The following ADAMTS9 variants were observed in gnomAD, a reference collection of about 807,000 sequenced individuals.
ADAMTS9 encodes the protein A disintegrin and metalloproteinase with thrombospondin motifs 9.
A neutral mutation model predicts 257.1 loss-of-function variants in ADAMTS9; 107 were observed. That is an observed-to-expected ratio of 0.42 (90% CI 0.36 to 0.49). ADAMTS9 has a LOEUF of 0.49. Ranked by LOEUF, ADAMTS9 falls within the 20% of genes least tolerant of loss-of-function variation. The pLI is 0.03. For missense variants in ADAMTS9, 2,353 were observed against 2,469.1 expected, an observed-to-expected ratio of 0.95 and a Z score of 1.00; for synonymous variants, 982 against 880.9, an observed-to-expected ratio of 1.11 and a Z score of -2.03.
chr3:64,571,237 C>T (rs1157816322), intron 28 of ADAMTS9, among the ~76,000 whole-genome samples: 1 of 152,194 alleles, frequency 6.6e-6, no homozygotes, highest in East Asian at 1.9e-4. Context: ...ACTTTATATG[C>T]ATCATCTAAT....
At chr3:64,565,628 T>C (rs1028425357) in intron 29 of ADAMTS9, 1 of 152,270 alleles carries the variant, frequency 6.6e-6, no homozygotes, top group Non-Finnish European at 1.5e-5. Context: ...TTAAAAACTC[T>C]ATAGCGATAG....
At chr3:64,584,724 T>C (rs892189349) in intron 28 of ADAMTS9, among the ~76,000 whole-genome samples, 11 of 152,084 alleles carry the variant, frequency 7.2e-5, no homozygotes, top group Non-Finnish European at 1.3e-4. Context: ...GAGTCCCCAA[T>C]TGCCAACATT....
chr3:64,590,688 A>C (rs2106780517), intron 28 of ADAMTS9, among the ~76,000 whole-genome samples: 1 of 152,298 alleles, frequency 6.6e-6, no homozygotes. Context: ...GGTAGACAAA[A>C]ATTCATAAGT....
intron 12 of ADAMTS9, among the ~76,000 whole-genome samples, chr3:64,635,357 G>A (rs968442712): frequency 2.6e-5 from 4 of 152,170 alleles, no homozygotes; most frequent in Non-Finnish European, 4.4e-5. Flanking sequence ...AAACAGAGAC[G>A]ATGCTGTGTA....
chr3:64,521,585 T>C (rs1303286841), intron 39 of ADAMTS9: 7 of 152,334 alleles, frequency 4.6e-5, no homozygotes, highest in Non-Finnish European at 8.8e-5. Flanking sequence ...GTGGTCTGTA[T>C]ACATGATGAA....
chr3:64,532,490 G>A lies in ADAMTS9; in HGVS notation c.5718+676C>T, dbSNP rs1038767651. On this transcript the variant is annotated intron_variant, in intron 38 of 39. Transcript: ENST00000498707. ...AGTTGAAAAATCAAGTGGAACCGTC[G>A]TAAGTCAGGGACCATCTGCACAGCA... Among the ~76,000 whole-genome samples, 6 of 152,104 alleles carry A rather than the reference G, an allele frequency of 3.9e-5. No homozygotes were observed. The South Asian group carries it at 6.2e-4, about 16-fold the overall frequency.
intron 3 of ADAMTS9, among the ~76,000 whole-genome samples, chr3:64,662,424 T>C (rs28807715): frequency 0.12 from 18,211 of 152,114 alleles, 1,415 homozygotes; most frequent in African/African-American, 0.22. Context: ...AGTTGGTTTA[T>C]AGTGTTGGGC....
chr3:64,549,703 T>C (rs998520305), intron 31 of ADAMTS9, among the ~76,000 whole-genome samples: 1 of 152,100 alleles, frequency 6.6e-6, no homozygotes, highest in Non-Finnish European at 1.5e-5. Context: ...CACTATAGGA[T>C]TCTTAGCCCC....
chr3:64,680,743 A>G (rs919735607), intron 3 of ADAMTS9, among the ~76,000 whole-genome samples: 3 of 152,144 alleles, frequency 2.0e-5, no homozygotes, highest in African/African-American at 7.2e-5. Context: ...AAACACATAT[A>G]TGTTTTCGTG....
At chr3:64,528,316 T>G (rs1042109305) in intron 38 of ADAMTS9, among the ~76,000 whole-genome samples, 1 of 152,168 alleles carries the variant, frequency 6.6e-6, no homozygotes, top group Admixed American at 6.5e-5. Context: ...TGAAGGGAAC[T>G]TTCACATTCC....
intron 3 of ADAMTS9, among the ~76,000 whole-genome samples, chr3:64,674,767 G>A (rs943889505): frequency 2.6e-5 from 4 of 152,326 alleles, no homozygotes; most frequent in Middle Eastern, 3.4e-3. Flanking sequence ...GGCTGCCCCA[G>A]AATGTTTTAC....
In ADAMTS9 at chr3:64,687,473, C is replaced by T; in HGVS notation, c.115+70G>A. 1.6e-6 allele frequency: 2 copies of T among 1,272,952 alleles called. No individual in the cohort carries two copies. The highest frequency in any genetic ancestry group is 1.1e-6 in the Non-Finnish European group (1 of 938,954). The allele number at this position is 1,272,952 out of a possible 1,614,324, so 78.9% of individuals were successfully genotyped here. On this transcript the variant is annotated intron_variant, in intron 1 of 39. Transcript: ENST00000498707. The surrounding 1 kb of genome is among the most constrained non-coding windows in gnomAD (Gnocchi z 4.4). ...AGAGAAGCCTCCGCTGCGGGGTGCC[C>T]CTGCCCAGGAGCGAGGACCGGGAGG...
intron 11 of ADAMTS9, among the ~76,000 whole-genome samples, chr3:64,643,115 A>G (rs1409392502): frequency 6.6e-6 from 1 of 152,198 alleles, no homozygotes; most frequent in African/African-American, 2.4e-5. Flanking sequence ...GATGTTCTGC[A>G]TCTGAACCCT....
In ADAMTS9 at chr3:64,634,762, C is replaced by T. The variant is rs141347310; in HGVS notation, c.1857-883G>A. On this transcript the variant is annotated intron_variant, in intron 12 of 39. Transcript: ENST00000498707. ...GTTTCACAACTGCCCTAGGACAACC[C>T]TGCAACTGAAAGGACATTTTTCACC... Among the ~76,000 whole-genome samples the T allele has an allele frequency of 2.9e-3, 445 of 152,280 alleles. 2 individuals are homozygous for T. Among genetic ancestry groups the T allele is most frequent in the African/African-American group, 0.01 (418 of 41,560 alleles).
At chr3:64,543,805 T>C (rs1438483123) in intron 32 of ADAMTS9, among the ~76,000 whole-genome samples, 19 of 152,132 alleles carry the variant, frequency 1.2e-4, no homozygotes, top group Non-Finnish European at 2.1e-4. Flanking sequence ...GGGTATTCAA[T>C]CAGGAAAAGA....
intron 30 of ADAMTS9, among the ~76,000 whole-genome samples, chr3:64,560,569 A>C (rs1042847226): frequency 4.6e-5 from 7 of 152,172 alleles, no homozygotes; most frequent in Non-Finnish European, 1.0e-4. Flanking sequence ...ACACTTGGAC[A>C]AATGACACAG....
chr3:64,532,608 C>T (rs2082996717), intron 38 of ADAMTS9, among the ~76,000 whole-genome samples: 1 of 152,146 alleles, frequency 6.6e-6, no homozygotes, highest in Non-Finnish European at 1.5e-5. Context: ...CCAGAACCTG[C>T]ATTTCCAACG....
intron 12 of ADAMTS9, among the ~76,000 whole-genome samples, chr3:64,640,447 A>G (rs972183854): frequency 1.3e-5 from 2 of 152,256 alleles, no homozygotes; most frequent in East Asian, 3.9e-4. Flanking sequence ...CTACAATACA[A>G]CTATTGTATT....
intron 11 of ADAMTS9, among the ~76,000 whole-genome samples, chr3:64,645,760 G>A (rs1700771083): frequency 6.6e-6 from 1 of 152,132 alleles, no homozygotes; most frequent in African/African-American, 2.4e-5. Context: ...AAAGCATCCT[G>A]AGCCTGCCTT....
Sources: gnomAD v4.1 joint callset for allele counts (sites outside exome capture counted in the v4.1 genomes callset) on GRCh38, gnomAD v4.1.1 for gene constraint, Gnocchi (gnomAD v3.1) non-coding constraint, MANE v1.5 for transcripts, NCBI Gene and HGNC (gene_info 2026-07-23, HGNC 2026-07-21) for gene names.